Variants in GHR observed in about 807,000 individuals in gnomAD.
GHR encodes growth hormone receptor.
In GHR, 35 loss-of-function variants were observed where a neutral mutation model predicts 67.1. The observed-to-expected ratio is 0.52, with a 90% CI of 0.40 to 0.69. The LOEUF (loss-of-function observed/expected upper bound fraction) is 0.69, where lower values mean the gene tolerates loss of function less well. GHR is among the 30% of genes least tolerant of loss of function. The pLI is 0.00. For missense variants in GHR, 792 were observed against 764.6 expected (o/e 1.04, Z -0.42); for synonymous variants, 272 against 269.1 (o/e 1.01, Z -0.10).
intron 1 of GHR, among the ~76,000 whole-genome samples, chr5:42,459,984 C>G (rs566991071): frequency 6.6e-6 from 1 of 152,158 alleles, no homozygotes; most frequent in Non-Finnish European, 1.5e-5. Flanking sequence ...AAGCCCTAAC[C>G]TCCAATGTGG....
chr5:42,599,916 G>T (rs1344261123), intron 2 of GHR, among the ~76,000 whole-genome samples: 1 of 152,132 alleles, frequency 6.6e-6, no homozygotes, highest in African/African-American at 2.4e-5. Context: ...AGCCATTTTT[G>T]CTACTCACTT....
At chr5:42,691,895 A>G (rs573902744) in intron 4 of GHR, among the ~76,000 whole-genome samples, 10 of 152,374 alleles carry the variant, frequency 6.6e-5, no homozygotes, top group African/African-American at 2.4e-4. Flanking sequence ...AATGCACATT[A>G]CAGGCATGGT....
intron 2 of GHR, among the ~76,000 whole-genome samples, chr5:42,598,405 T>C (rs1752194222): frequency 6.6e-6 from 1 of 152,202 alleles, no homozygotes; most frequent in East Asian, 1.9e-4. Flanking sequence ...ATCCATTACC[T>C]GGGGATAATG....
chr5:42,501,795 C>A (rs988064188), intron 1 of GHR, among the ~76,000 whole-genome samples: 3 of 152,132 alleles, frequency 2.0e-5, no homozygotes, highest in Non-Finnish European at 2.9e-5. Flanking sequence ...CTCCCAGAGG[C>A]AAAAAGTGCC....
intron 1 of GHR, among the ~76,000 whole-genome samples, chr5:42,535,651 G>A (rs1461192856): frequency 6.6e-6 from 1 of 151,822 alleles, no homozygotes; most frequent in Non-Finnish European, 1.5e-5. Flanking sequence ...CTCTTTTTTG[G>A]TTCCATAAGA....
intron 1 of GHR, among the ~76,000 whole-genome samples, chr5:42,427,797 A>G (rs1742917394): frequency 6.6e-6 from 1 of 152,206 alleles, no homozygotes; most frequent in Non-Finnish European, 1.5e-5. Flanking sequence ...GCCCATTCCA[A>G]ATGGGAGAAA....
At chr5:42,478,057 TG>T (rs1745425924) in intron 1 of GHR, among the ~76,000 whole-genome samples, 1 of 152,140 alleles carries the variant, frequency 6.6e-6, no homozygotes. Context: ...AATTAATTTT[TG>T]TATAAGGTGT....
At chr5:42,496,468 G>T (rs1465936382) in intron 1 of GHR, among the ~76,000 whole-genome samples, 1 of 152,062 alleles carries the variant, frequency 6.6e-6, no homozygotes, top group Non-Finnish European at 1.5e-5. Context: ...TCAAGATGAA[G>T]ATCCATAGAG....
chr5:42,548,798 A>C (rs2112407161), intron 1 of GHR, among the ~76,000 whole-genome samples: 1 of 152,280 alleles, frequency 6.6e-6, no homozygotes, highest in Non-Finnish European at 1.5e-5. Flanking sequence ...CTTTTAGGCA[A>C]AGAAAGCCTT....
chr5:42,541,285 G>T (rs1748506489), intron 1 of GHR, among the ~76,000 whole-genome samples: 1 of 152,126 alleles, frequency 6.6e-6, no homozygotes, highest in Admixed American at 6.5e-5. Flanking sequence ...AGGTTGTCAG[G>T]CAAGAGCTTA....
intron 5 of GHR, 101 bp from the exon 6 acceptor site, chr5:42,699,723 G>A: frequency 1.2e-6 from 1 of 811,018 alleles, no homozygotes; most frequent in Non-Finnish European, 2.2e-6. Context: ...GAGCATGAAT[G>A]ATCAAAAATG....
At chr5:42,684,807 A>G (rs752399235) in intron 3 of GHR, among the ~76,000 whole-genome samples, 1 of 151,972 alleles carries the variant, frequency 6.6e-6, no homozygotes, top group African/African-American at 2.4e-5. Flanking sequence ...GCTATCCCCA[A>G]CCTGTGCTCC....
rs796903809 is a variant in GHR at position 42,641,342 on chromosome 5, G to A, written c.136+12239G>A. Among the ~76,000 whole-genome samples the A allele has an allele frequency of 4.6e-5, 7 of 152,162 alleles. 1 individual carries two copies. Among genetic ancestry groups the A allele is most frequent in the African/African-American group, 1.7e-4 (7 of 41,498 alleles). Reference sequence around the variant, plus strand: ...AAATACAGAATGTTTGTATAGGTGGGGTTCTTGTATATATGTACGAGCCCC... The same window carrying A: ...AAATACAGAATGTTTGTATAGGTGGAGTTCTTGTATATATGTACGAGCCCC... On this transcript the variant is annotated intron_variant, in intron 3 of 9. Coordinates refer to ENST00000230882, the MANE Select transcript of GHR (RefSeq NM_000163.5).
In GHR at chr5:42,504,344, G is replaced by A. The variant is rs974174610; in HGVS notation, c.-11-61520G>A. Among the ~76,000 whole-genome samples, 5 of 152,266 alleles carry A rather than the reference G, an allele frequency of 3.3e-5. No homozygotes were observed. In the East Asian group the frequency reaches 5.8e-4, roughly 18 times the overall value. Reference sequence around the variant, plus strand: ...AAGAAAGAAATGGGGACAGTGTCAAGCAGGAAATGCAGAAGAGTTGAGTGT... The same window carrying A: ...AAGAAAGAAATGGGGACAGTGTCAAACAGGAAATGCAGAAGAGTTGAGTGT... On this transcript the variant is annotated intron_variant, in intron 1 of 9. Transcript: ENST00000230882.
In GHR at chr5:42,715,210, AT is replaced by A. The variant is rs533236390; in HGVS notation, c.875+1697del. ...TTTTCTGTAGGAAAGAATTAACTTT[AT>A]TTTTTATTTGCCCATTAAAAACGCT... On this transcript the variant is annotated intron_variant, in intron 8 of 9. Transcript: ENST00000230882. 330 of 258,516 alleles carry A rather than the reference AT, an allele frequency of 1.3e-3. 2 individuals are homozygous for A. The highest frequency in any genetic ancestry group is 7.1e-3 in the African/African-American group (309 of 43,352). 16.0% of individuals were successfully genotyped at this position (258,516 alleles called of 1,614,324 possible).
intron 3 of GHR, among the ~76,000 whole-genome samples, chr5:42,638,320 T>G (rs73087466): frequency 0.11 from 16,612 of 152,212 alleles, 1,066 homozygotes; most frequent in Middle Eastern, 0.19. Context: ...TTAATGACAA[T>G]ACAGTGTTCA....
intron 1 of GHR, among the ~76,000 whole-genome samples, chr5:42,434,164 C>T (rs1329285696): frequency 1.3e-5 from 2 of 152,058 alleles, no homozygotes; most frequent in African/African-American, 4.8e-5. Flanking sequence ...GCAGAGCTGA[C>T]CTGAGATTAC....
chr5:42,616,421 G>C (rs184030199), intron 2 of GHR, among the ~76,000 whole-genome samples: 18 of 152,202 alleles, frequency 1.2e-4, no homozygotes, highest in Admixed American at 2.6e-4. Flanking sequence ...GAAGTGTTTG[G>C]CTTAAGTACC....
chr5:42,445,949 GTTA>G (rs1434745222), intron 1 of GHR, among the ~76,000 whole-genome samples: 8 of 152,206 alleles, frequency 5.3e-5, no homozygotes, highest in African/African-American at 1.9e-4. Flanking sequence ...AGCAAAAACA[GTTA>G]TTAATATTAA....
Sources: gnomAD v4.1 joint callset for allele counts (sites outside exome capture counted in the v4.1 genomes callset) on GRCh38, gnomAD v4.1.1 for gene constraint, MANE v1.5 for transcripts, NCBI Gene and HGNC (gene_info 2026-07-23, HGNC 2026-07-21) for gene names.